ABCC3: variants seen among roughly 807,000 people sequenced by gnomAD.
ABCC3 encodes the protein ATP binding cassette subfamily C member 3, also known as ATP-binding cassette sub-family C member 3.
ABCC3 carries 121 observed loss-of-function variants against 165.3 expected under a neutral mutation model. The ratio of observed to expected loss-of-function variants is 0.73; its 90% confidence interval spans 0.63 to 0.85. ABCC3 has a LOEUF of 0.85. Among genes scored for constraint, ABCC3 ranks in the 40% least tolerant of loss-of-function variants. The pLI, the probability that ABCC3 is intolerant of heterozygous loss-of-function variation, is 0.00. For missense variants in ABCC3, 1,869 were observed against 1,964.1 expected, an observed-to-expected ratio of 0.95 and a Z score of 0.92; for synonymous variants, 733 against 810.1, an observed-to-expected ratio of 0.90 and a Z score of 1.62.
In ABCC3 at chr17:50,687,850, G is replaced by A. The variant is rs112849163; in HGVS notation, c.4475+120G>A. 1.1e-3 allele frequency: 1,143 copies of A among 1,080,932 alleles called. 8 individuals carry two copies. The African/African-American group carries it at 0.016, about 16-fold the overall frequency. 67.0% of individuals were successfully genotyped at this position (1,080,932 alleles called of 1,614,324 possible). ...ATGTTCCTGGGATTGCTAGGGCATG[G>A]CAGGCAGAGCAGAGTTTCCCAAGAT... On this transcript the variant is annotated intron_variant, in intron 30 of 30. Coordinates refer to ENST00000285238, the MANE Select transcript of ABCC3 (RefSeq NM_003786.4).
Position 50,675,664 on chromosome 17 carries a change from A to G in ABCC3, c.2748A>G (p.Gly916=). The G allele has an allele frequency of 1.3e-6, 2 of 1,572,810 alleles. No homozygotes were observed. The change falls in exon 21 of 31, where the codon GGA becomes GGG. Residue 916 remains glycine (G), a synonymous_variant. Transcript: ENST00000285238. ...QLSALSSDGE[G]QGRPVPRRHL... ...GTGCCCTGTCCTCAGATGGGGAGGG[A>G]CAGGGTCGGCCTGTACCCCGGAGGC...
chr17:50,664,275 C>T (rs944918497), intron 10 of ABCC3, 164 bp downstream of exon 10: 18 of 898,254 alleles, frequency 2.0e-5, no homozygotes, highest in African/African-American at 5.0e-5. Flanking sequence ...GGCTGCAGTG[C>T]GCCACGATTG....
Position 50,677,946 on chromosome 17 carries a change from C to A in ABCC3, c.3578+3C>A. 1.2e-6 allele frequency: 2 copies of A among 1,614,150 alleles called. No individual in the cohort carries two copies. The highest frequency in any genetic ancestry group is 2.2e-5 in the South Asian group (2 of 91,068). ...TACCCCTACATCATCTCCAACCGGT[C>A]AGAAGCCGCCTCCCTCGCTCCCTGC... On this transcript the variant is annotated splice_donor_region_variant and intron_variant, in intron 24 of 30. Transcript: ENST00000285238.
Position 50,673,586 on chromosome 17 carries a change from G to C in ABCC3, c.2527G>C (p.Gly843Arg). Residue 843 changes from glycine to arginine, a missense_variant, in exon 19 of 31, where the codon GGC becomes CGC. Gly to Arg is a moderately radical substitution (Grantham distance 125). Transcript: ENST00000285238. ...GPYPALLQRN[G>R]SFANFLCNYA... ...GTACCCAGCCCTGCTGCAGCGCAAC[G>C]GCTCCTTTGCCAACTTTCTCTGCAA... 1 of 1,614,168 alleles carries C rather than the reference G, an allele frequency of 6.2e-7. No homozygotes were observed. The highest frequency in any genetic ancestry group is 8.5e-7 in the Non-Finnish European group (1 of 1,180,018).
rs1567831161 is a variant in ABCC3, at chr17:50,663,429, G to A, written c.999-252G>A. 2.5e-5 allele frequency: 13 copies of A among 517,978 alleles called. No individual in the cohort carries two copies. The East Asian group carries it at 4.1e-4, about 16-fold the overall frequency. 32.1% of individuals were successfully genotyped at this position (517,978 alleles called of 1,614,324 possible). A position where few individuals can be genotyped will look rare whatever the true frequency, so the allele number is the denominator to read the frequency against. On this transcript the variant is annotated intron_variant, in intron 8 of 30. Transcript: ENST00000285238. ...AAGGCAGGCAGGTGAGGCTGGTGGT[G>A]AGAGCGTCATCGATAGGGCGTGCAG...
intron 1 of ABCC3, among the ~76,000 whole-genome samples, chr17:50,655,419 AAAC>A (rs1967213881): frequency 6.7e-6 from 1 of 148,452 alleles, no homozygotes; most frequent in Non-Finnish European, 1.5e-5. Context: ...AAAAAAAAAA[AAAC>A]AAAAACAAAA....
rs768137487 is a variant in ABCC3, at chr17:50,683,767, G to T, written c.3954+11G>T. The T allele has an allele frequency of 1.2e-6, 2 of 1,601,508 alleles. No homozygotes were observed. The highest frequency in any genetic ancestry group is 1.1e-5 in the South Asian group (1 of 89,630). ...CACGGTGGCGAGAAGGTACGCGTGGGGTAGGCGGGCCTGCGTGTGTGTTCA... is the reference window on the plus strand; with the variant it reads ...CACGGTGGCGAGAAGGTACGCGTGGTGTAGGCGGGCCTGCGTGTGTGTTCA... On this transcript the variant is annotated intron_variant, in intron 27 of 30. Coordinates refer to ENST00000285238, the MANE Select transcript of ABCC3 (RefSeq NM_003786.4).
chr17:50,675,747 C>T lies in ABCC3; in HGVS notation c.2831C>T (p.Thr944Ile). 1 of 1,564,052 alleles carries T rather than the reference C, an allele frequency of 6.4e-7. No homozygotes were observed. The highest frequency in any genetic ancestry group is 8.7e-7 in the Non-Finnish European group (1 of 1,153,984). The change falls in exon 21 of 31, where the codon ACC (threonine) becomes ATC (isoleucine). Residue 944 changes from threonine to isoleucine, a missense_variant. Coordinates refer to ENST00000285238, the MANE Select transcript of ABCC3 (RefSeq NM_003786.4). The stretch of plus-strand genomic sequence containing the variant: ...GAGGCGAAGGCAGATGGGGCACTGA[C>T]CCAGGAGGAGAAAGCAGCCATTGGC... ...VTEAKADGAL[T>I]QEEKAAIGTV... is the part of the protein sequence containing the mutation.
chr17:50,635,717 G>C (rs2054173431), intron 1 of ABCC3: 1 of 640,408 alleles, frequency 1.6e-6, no homozygotes, highest in East Asian at 2.7e-5. Flanking sequence ...GGCAGAGCTG[G>C]GATAGAAAAA....
chr17:50,683,782 G>T, intron 27 of ABCC3, 26 bp downstream of exon 27: 1 of 1,594,612 alleles, frequency 6.3e-7, no homozygotes, highest in Non-Finnish European at 8.5e-7. Context: ...GCGGGCCTGC[G>T]TGTGTGTTCA....
intron 1 of ABCC3, among the ~76,000 whole-genome samples, chr17:50,648,408 T>A (rs1967046383): frequency 1.3e-5 from 2 of 152,072 alleles, no homozygotes; most frequent in Non-Finnish European, 2.9e-5. Flanking sequence ...TACTTATCCA[T>A]CTCCTCTCAA....
chr17:50,669,648 G>A, intron 17 of ABCC3, 120 bp downstream of exon 17: 2 of 1,060,064 alleles, frequency 1.9e-6, no homozygotes, highest in Non-Finnish European at 2.7e-6. Context: ...GCCCAACTCT[G>A]TGCCAGGCAC....
intron 24 of ABCC3, 52 bp from the exon 25 acceptor site, chr17:50,678,041 A>G: frequency 6.2e-7 from 1 of 1,613,788 alleles, no homozygotes; most frequent in Non-Finnish European, 8.5e-7. Context: ...TAAGCAGAAA[A>G]CTGGCCCTGC....
rs1967779502 is a variant in ABCC3, at chr17:50,675,459, C to A, written c.2697C>A (p.Val899=). 2 of 1,613,422 alleles carry A rather than the reference C, an allele frequency of 1.2e-6. No homozygotes were observed. The highest frequency in any genetic ancestry group is 2.7e-5 in the African/African-American group (2 of 74,910). Residue 899 remains valine (V), a synonymous_variant, in exon 20 of 31, where the codon GTC becomes GTA. Transcript: ENST00000285238. ...LTDNDPVTYV[V]QKQFMRQLSA... ...ACAATGATCCAGTCACCTATGTGGT[C>A]CAGAAGCAGTTTATGAGGTGAGTTC... is the stretch of plus-strand genomic sequence containing the variant.
intron 1 of ABCC3, 43 bp downstream of exon 1, chr17:50,635,024 C>G (rs984355959): frequency 8.0e-7 from 1 of 1,253,414 alleles, no homozygotes; most frequent in Non-Finnish European, 1.0e-6. Context: ...GGGCCAGGGT[C>G]GGCCGGCTTC....
chr17:50,658,059 C>T (rs543688416), intron 4 of ABCC3, 23 bp from the exon 5 acceptor site: 37 of 1,613,894 alleles, frequency 2.3e-5, no homozygotes, highest in Admixed American at 6.7e-5. Context: ...GTGCTTCTGA[C>T]GCCCCTCCAC....
rs1025668296 is a variant in ABCC3, at chr17:50,691,398, T to G, written c.*198T>G. On this transcript the variant is annotated 3_prime_UTR_variant, in exon 31 of 31. Transcript: ENST00000285238. ...ATCCCCAAGTGGTGAATGACACGCCTAAGGTCACAGCTAGTTTGAGCCAGT... is the reference window on the plus strand; with the variant it reads ...ATCCCCAAGTGGTGAATGACACGCCGAAGGTCACAGCTAGTTTGAGCCAGT... 3.7e-6 allele frequency: 2 copies of G among 538,510 alleles called. No homozygotes were observed. The highest frequency in any genetic ancestry group is 3.8e-5 in the African/African-American group (2 of 52,596). 33.4% of individuals were successfully genotyped at this position (538,510 alleles called of 1,614,324 possible).
At chr17:50,663,387 A>C in intron 8 of ABCC3, 1 of 421,836 alleles carries the variant, frequency 2.4e-6, no homozygotes, top group Non-Finnish European at 4.3e-6. Context: ...TCTTCCCGCC[A>C]TATGTCAGGA....
chr17:50,684,974 A>G, intron 29 of ABCC3, 99 bp downstream of exon 29: 1 of 1,358,028 alleles, frequency 7.4e-7, no homozygotes, highest in Non-Finnish European at 1.0e-6. Flanking sequence ...AGATGAGGCC[A>G]GCCCGGATGT....
Sources: gnomAD v4.1 joint callset for allele counts (sites outside exome capture counted in the v4.1 genomes callset) on GRCh38, gnomAD v4.1.1 for gene constraint, MANE v1.5 for transcripts, NCBI Gene and HGNC (gene_info 2026-07-23, HGNC 2026-07-21) for gene names.